SEMA3E: variants seen among roughly 807,000 people sequenced by gnomAD.
The protein encoded by SEMA3E is semaphorin 3E, also known as semaphorin-3E.
SEMA3E carries 49 observed loss-of-function variants against 93.6 expected under a neutral mutation model. The ratio of observed to expected loss-of-function variants is 0.52; its 90% CI spans 0.42 to 0.66. SEMA3E has a LOEUF of 0.66. Ranked by LOEUF, SEMA3E falls within the 30% of genes least tolerant of loss-of-function variation. The pLI is 0.00. For synonymous variants in SEMA3E, 363 were observed against 330.7 expected (o/e 1.10, Z -1.06); for missense variants, 906 against 964.8 (o/e 0.94, Z 0.81).
At chr7:83,428,690 CAAGTA>C (rs1178827486) in intron 4 of SEMA3E, among the ~76,000 whole-genome samples, 2 of 151,930 alleles carry the variant, frequency 1.3e-5, no homozygotes, top group Non-Finnish European at 2.9e-5. Flanking sequence ...AGTAAAATAG[CAAGTA>C]AATATTTTGA....
At chr7:83,451,859 C>T (rs890184657) in intron 4 of SEMA3E, among the ~76,000 whole-genome samples, 37 of 152,116 alleles carry the variant, frequency 2.4e-4, no homozygotes, top group Non-Finnish European at 4.3e-4. Flanking sequence ...CTGAATTGGG[C>T]GTATTGCTGC....
At chr7:83,552,993 G>C (rs1562830020) in intron 1 of SEMA3E, among the ~76,000 whole-genome samples, 1 of 151,906 alleles carries the variant, frequency 6.6e-6, no homozygotes, top group Non-Finnish European at 1.5e-5. Context: ...ACTCTTATTA[G>C]TAGTTCTGCT....
Position 83,451,984 on chromosome 7 carries a change from C to T in SEMA3E, c.456+14498G>A, listed in dbSNP as rs532082145. ...CACTCAAAGCACCACACTCGTTCTCCTTCTTCTGGTTTGCTGTAGCCTCAG... is the reference window on the plus strand; with the variant it reads ...CACTCAAAGCACCACACTCGTTCTCTTTCTTCTGGTTTGCTGTAGCCTCAG... On this transcript the variant is annotated intron_variant, in intron 4 of 16. Coordinates refer to ENST00000643230, the MANE Select transcript of SEMA3E (RefSeq NM_012431.3). 2.6e-5 allele frequency among the ~76,000 whole-genome samples: 4 copies of T among 152,298 alleles called. No individual in the cohort carries two copies. In the East Asian group the frequency reaches 7.7e-4, roughly 29 times the overall value.
At chr7:83,545,843 G>T (rs934964257) in intron 1 of SEMA3E, among the ~76,000 whole-genome samples, 2 of 146,136 alleles carry the variant, frequency 1.4e-5, no homozygotes, top group Non-Finnish European at 3.0e-5. Flanking sequence ...TATATCTCCA[G>T]TAGTATGACG....
chr7:83,597,552 C>G (rs1259963937), intron 1 of SEMA3E, among the ~76,000 whole-genome samples: 4 of 152,148 alleles, frequency 2.6e-5, no homozygotes, highest in Non-Finnish European at 5.9e-5. Context: ...CCAGCTTTCA[C>G]TCATTAAGTT....
At chr7:83,580,133 G>T (rs994667461) in intron 1 of SEMA3E, among the ~76,000 whole-genome samples, 1 of 151,952 alleles carries the variant, frequency 6.6e-6, no homozygotes, top group African/African-American at 2.4e-5. Context: ...TAATGAAGTC[G>T]ATGACATCTT....
chr7:83,565,995 C>CTTTTTTTT (rs750248438), intron 1 of SEMA3E, among the ~76,000 whole-genome samples: 15 of 112,744 alleles, frequency 1.3e-4, no homozygotes, highest in Non-Finnish European at 1.7e-4. Flanking sequence ...TGTTTCCACT[C>CTTTTTTTT]TTTTTTTTTT....
chr7:83,630,903 T>A (rs1392467330), intron 1 of SEMA3E, among the ~76,000 whole-genome samples: 1 of 152,174 alleles, frequency 6.6e-6, no homozygotes, highest in African/African-American at 2.4e-5. Context: ...GCATAAAGTC[T>A]TTTGTAAAAT....
intron 1 of SEMA3E, among the ~76,000 whole-genome samples, chr7:83,542,124 TTTAATG>T (rs1562825586): frequency 2.6e-5 from 4 of 151,778 alleles, no homozygotes; most frequent in African/African-American, 9.7e-5. Flanking sequence ...AGGCAGATTA[TTTAATG>T]TCAGAAGTTC....
intron 16 of SEMA3E, among the ~76,000 whole-genome samples, chr7:83,380,939 A>G (rs890891065): frequency 6.6e-6 from 1 of 151,970 alleles, no homozygotes; most frequent in East Asian, 1.9e-4. Context: ...ACATTGCTAC[A>G]ATGTGTATGA....
intron 4 of SEMA3E, chr7:83,462,121 A>T (rs62460820): frequency 0.1 from 15,877 of 152,268 alleles, 996 homozygotes; most frequent in Non-Finnish European, 0.14. Context: ...TTCTCGGCTT[A>T]GCGGCTGAAG....
chr7:83,422,311 T>G (rs1788682826), intron 4 of SEMA3E, among the ~76,000 whole-genome samples: 1 of 152,192 alleles, frequency 6.6e-6, no homozygotes, highest in Non-Finnish European at 1.5e-5. Context: ...TACACCAATT[T>G]GAAGAAAGCA....
chr7:83,622,432 A>G (rs1261403749), intron 1 of SEMA3E, among the ~76,000 whole-genome samples: 1 of 152,230 alleles, frequency 6.6e-6, no homozygotes. Context: ...CACTTCCTCA[A>G]AGATTTAGAA....
intron 1 of SEMA3E, among the ~76,000 whole-genome samples, chr7:83,499,839 G>A (rs567058478): frequency 9.9e-5 from 15 of 151,944 alleles, no homozygotes; most frequent in African/African-American, 2.4e-4. Flanking sequence ...GCACATATAC[G>A]CGCATGCACA....
chr7:83,459,690 C>A (rs1789568554), intron 4 of SEMA3E, among the ~76,000 whole-genome samples: 1 of 152,180 alleles, frequency 6.6e-6, no homozygotes, highest in African/African-American at 2.4e-5. Context: ...GAGCCCAAGC[C>A]AAGCCATCGC....
chr7:83,427,059 T>G (rs1788786872), intron 4 of SEMA3E, among the ~76,000 whole-genome samples: 1 of 152,056 alleles, frequency 6.6e-6, no homozygotes, highest in Non-Finnish European at 1.5e-5. Flanking sequence ...TAAAAATGTT[T>G]ATTTTATCCC....
At chr7:83,593,521 T>G (rs1341489858) in intron 1 of SEMA3E, among the ~76,000 whole-genome samples, 1 of 151,942 alleles carries the variant, frequency 6.6e-6, no homozygotes, top group African/African-American at 2.4e-5. Flanking sequence ...TCAAGAATAC[T>G]TAGTACCTGT....
chr7:83,568,369 A>G (rs764336218), intron 1 of SEMA3E, among the ~76,000 whole-genome samples: 3 of 152,282 alleles, frequency 2.0e-5, no homozygotes, highest in Admixed American at 6.5e-5. Flanking sequence ...TCCCTAACTC[A>G]TTCTAAGAGG....
At chr7:83,618,593 G>T (rs960829073) in intron 1 of SEMA3E, among the ~76,000 whole-genome samples, 1 of 151,880 alleles carries the variant, frequency 6.6e-6, no homozygotes, top group African/African-American at 2.4e-5. Flanking sequence ...TCAAGTATTG[G>T]TAAAATTTAC....
Sources: allele counts gnomAD v4.1 joint callset (sites outside exome capture counted in the v4.1 genomes callset), GRCh38; gene constraint gnomAD v4.1.1; transcripts MANE v1.5; gene names NCBI Gene and HGNC (gene_info 2026-07-23, HGNC 2026-07-21).